FAM120B: variants seen among roughly 807,000 people sequenced by gnomAD.
FAM120B encodes constitutive coactivator of peroxisome proliferator-activated receptor gamma.
In FAM120B, 83 loss-of-function variants were observed where a neutral mutation model predicts 96.3. The observed-to-expected ratio is 0.86, with a 90% CI of 0.72 to 1.03. The LOEUF (loss-of-function observed/expected upper bound fraction) is 1.03. Among genes scored for constraint, FAM120B ranks in the 50% least tolerant of loss-of-function variants. The pLI is 0.00. For missense variants in FAM120B, 1,027 were observed against 1,121.2 expected, an observed-to-expected ratio of 0.92 and a Z score of 1.20; for synonymous variants, 407 against 402.7, an observed-to-expected ratio of 1.01 and a Z score of -0.13.
chr6:170,398,088 C>A (rs1297408627), intron 9 of FAM120B, among the ~76,000 whole-genome samples: 1 of 152,228 alleles, frequency 6.6e-6, no homozygotes, highest in Non-Finnish European at 1.5e-5. Context: ...GCTACGGGTT[C>A]TGCAGACAGG....
At chr6:170,404,678 AC>A in intron 10 of FAM120B, 77 bp downstream of exon 10, 1 of 1,122,794 alleles carries the variant, frequency 8.9e-7, no homozygotes, top group Non-Finnish European at 1.3e-6. Context: ...CATATCAAGT[AC>A]CAAAGTAAAC....
At chr6:170,293,195 G>A (rs927675518), upstream of FAM120B, among the ~76,000 whole-genome samples, 2 of 151,996 alleles carry the variant, frequency 1.3e-5, no homozygotes, top group African/African-American at 4.8e-5. Context: ...TGGGGGTGAG[G>A]GTAGGTGAAA....
chr6:170,290,989 G>A, upstream of FAM120B: 1 of 701,778 alleles, frequency 1.4e-6, no homozygotes, highest in South Asian at 1.5e-5. The surrounding 1 kb of genome is among the most constrained non-coding windows in gnomAD (Gnocchi z 4.7). Context: ...CTAATGAGAT[G>A]CAAATCAGCA....
chr6:170,380,992 T>G (rs1371414314), intron 6 of FAM120B, among the ~76,000 whole-genome samples: 1 of 152,210 alleles, frequency 6.6e-6, no homozygotes, highest in Non-Finnish European at 1.5e-5. Flanking sequence ...CACTTTCTGG[T>G]TGAAGACAAA....
chr6:170,303,605 T>C (rs575153516), upstream of FAM120B, among the ~76,000 whole-genome samples: 1 of 152,356 alleles, frequency 6.6e-6, no homozygotes, highest in Non-Finnish European at 1.5e-5. Flanking sequence ...ATTGTGCGTA[T>C]AGTCTATGGA....
At chr6:170,345,525 C>CT (rs1368700174) in intron 4 of FAM120B, among the ~76,000 whole-genome samples, 2 of 152,242 alleles carry the variant, frequency 1.3e-5, no homozygotes, top group Non-Finnish European at 2.9e-5. Context: ...TCCAAGGTAG[C>CT]TAGCAGCTGT....
chr6:170,330,799 C>T (rs1054141238), intron 4 of FAM120B: 6 of 509,186 alleles, frequency 1.2e-5, no homozygotes, highest in Non-Finnish European at 2.1e-5. Context: ...CACCCTGGTC[C>T]AGGTCCACAG....
At chr6:170,375,951 G>A (rs985275304) in intron 6 of FAM120B, among the ~76,000 whole-genome samples, 6 of 152,174 alleles carry the variant, frequency 3.9e-5, no homozygotes, top group Admixed American at 3.9e-4. Context: ...AAATTCCCTG[G>A]GGTGTTTGGG....
At chr6:170,386,634 A>G (rs1243713909) in intron 6 of FAM120B, among the ~76,000 whole-genome samples, 3 of 152,244 alleles carry the variant, frequency 2.0e-5, no homozygotes, top group Non-Finnish European at 2.9e-5. Flanking sequence ...AGGAAACCTC[A>G]GGATCAGAGG....
chr6:170,317,538 A>C lies in FAM120B; in HGVS notation c.148A>C (p.Arg50=), dbSNP rs574343035. ...TIVVDAMCCL[R]YWYTPESWIC... The stretch of plus-strand genomic sequence containing the variant: ...TGTGGTTGATGCCATGTGTTGTCTC[A>C]GATATTGGTATACTCCAGAATCTTG... The change falls in exon 2 of 11, where the codon AGA becomes CGA. Residue 50 remains arginine (R), a synonymous_variant. Coordinates refer to ENST00000476287, the MANE Select transcript of FAM120B (RefSeq NM_032448.3). The C allele has an allele frequency of 6.2e-7, 1 of 1,614,186 alleles. No homozygotes were observed. Among genetic ancestry groups the C allele is most frequent in the South Asian group, 1.1e-5 (1 of 91,080 alleles).
chr6:170,313,809 T>C (rs1784739235), intron 1 of FAM120B, among the ~76,000 whole-genome samples: 1 of 152,222 alleles, frequency 6.6e-6, no homozygotes, highest in South Asian at 2.1e-4. Flanking sequence ...CAGTTATGCT[T>C]TGACATGGCT....
upstream of FAM120B, among the ~76,000 whole-genome samples, chr6:170,302,086 G>A (rs1784152830): frequency 6.6e-6 from 1 of 152,126 alleles, no homozygotes; most frequent in South Asian, 2.1e-4. Context: ...TTCTCACACT[G>A]CTAATAAAGA....
rs1554286418 is a variant in FAM120B, at chr6:170,361,216, A to ATATACG, written c.2283+2902_2283+2903insCGTATA. Among the ~76,000 whole-genome samples the ATATACG allele has an allele frequency of 3.7e-5, 4 of 106,862 alleles. 1 individual carries two copies. The highest frequency in any genetic ancestry group is 7.1e-5 in the Non-Finnish European group (4 of 56,650). The allele number at this position is 106,862 out of a possible 152,430, so 70.1% of individuals were successfully genotyped here. On this transcript the variant is annotated intron_variant, in intron 6 of 10. Coordinates refer to ENST00000476287, the MANE Select transcript of FAM120B (RefSeq NM_032448.3). The stretch of plus-strand genomic sequence containing the variant: ...TATACGTGTATATATATATATATAT[A>ATATACG]TATATATATATATATATATACACGT...
At chr6:170,361,235 T>TATATATATATAC (rs1218513547) in intron 6 of FAM120B, among the ~76,000 whole-genome samples, 1 of 90,048 alleles carries the variant, frequency 1.1e-5, no homozygotes, top group Non-Finnish European at 2.3e-5. Flanking sequence ...TATATATATA[T>TATATATATATAC]ACACGTATAT....
chr6:170,371,141 C>G (rs558526103), intron 6 of FAM120B, among the ~76,000 whole-genome samples: 7 of 152,238 alleles, frequency 4.6e-5, no homozygotes, highest in African/African-American at 1.7e-4. Flanking sequence ...TCTCCCTCCC[C>G]CCAGCCCCAG....
chr6:170,320,309 C>A (rs915239189), intron 2 of FAM120B, among the ~76,000 whole-genome samples: 1 of 152,190 alleles, frequency 6.6e-6, no homozygotes, highest in Admixed American at 6.5e-5. Flanking sequence ...CCATGTGAAC[C>A]TGCCAGCCAA....
intron 6 of FAM120B, among the ~76,000 whole-genome samples, chr6:170,374,280 T>C (rs1289684437): frequency 6.6e-6 from 1 of 152,136 alleles, no homozygotes; most frequent in Non-Finnish European, 1.5e-5. Context: ...TTCTTTGAGG[T>C]AGAGAAATAA....
intron 3 of FAM120B, among the ~76,000 whole-genome samples, chr6:170,325,796 A>G (rs562092761): frequency 6.6e-6 from 1 of 151,158 alleles, no homozygotes. Context: ...AGCCAAGGTC[A>G]CACCATTGCA....
At position 170,352,755 on chromosome 6, in the gene FAM120B, A is replaced by G. The variant is rs527382026; in HGVS notation, c.2190+4432A>G. ...CTGGGCTGCAGCTAAAGCAATGTTA[A>G]GAGGGAAATTTATAGCACTAAATGC... On this transcript the variant is annotated intron_variant, in intron 5 of 10. Coordinates refer to ENST00000476287, the MANE Select transcript of FAM120B (RefSeq NM_032448.3). Among the ~76,000 whole-genome samples the G allele has an allele frequency of 5.3e-4, 80 of 152,224 alleles. 1 individual carries two copies. Among genetic ancestry groups the G allele is most frequent in the Non-Finnish European group, 9.4e-4 (64 of 68,036 alleles).
Sources: allele counts gnomAD v4.1 joint callset (sites outside exome capture counted in the v4.1 genomes callset), GRCh38; gene constraint gnomAD v4.1.1; non-coding constraint Gnocchi (gnomAD v3.1); transcripts MANE v1.5; gene names NCBI Gene and HGNC (gene_info 2026-07-23, HGNC 2026-07-21).